RGS6: variants seen among roughly 807,000 people sequenced by gnomAD.
RGS6 encodes the protein regulator of G-protein signaling 6.
A neutral mutation model predicts 78.5 loss-of-function variants in RGS6; 30 were observed. The observed-to-expected ratio is 0.38, with a 90% confidence interval of 0.29 to 0.52. RGS6 has a LOEUF of 0.52. RGS6 is among the 20% of genes least tolerant of loss of function. RGS6 has a pLI of 0.85. For synonymous variants in RGS6, 206 were observed against 206.0 expected, an observed-to-expected ratio of 1.00 and a Z score of 0.00; for missense variants, 495 against 609.7, an observed-to-expected ratio of 0.81 and a Z score of 1.98.
upstream of RGS6, among the ~76,000 whole-genome samples, chr14:71,928,905 A>G (rs1240151427): frequency 6.6e-6 from 1 of 152,218 alleles, no homozygotes; most frequent in African/African-American, 2.4e-5. Flanking sequence ...AAATAAACCC[A>G]TGGTGATCAT....
intron 2 of RGS6, among the ~76,000 whole-genome samples, chr14:72,260,799 T>C (rs1594938193): frequency 6.6e-6 from 1 of 152,292 alleles, no homozygotes; most frequent in African/African-American, 2.4e-5. Context: ...ATACAGTATT[T>C]GATAGATGCA....
chr14:72,389,506 A>T (rs2089338958), intron 3 of RGS6, among the ~76,000 whole-genome samples: 3 of 152,164 alleles, frequency 2.0e-5, no homozygotes. Flanking sequence ...AAAATACATT[A>T]TTCCCCAGTG....
chr14:72,141,267 A>C (rs1213260302), intron 2 of RGS6, among the ~76,000 whole-genome samples: 1 of 152,140 alleles, frequency 6.6e-6, no homozygotes, highest in Non-Finnish European at 1.5e-5. Flanking sequence ...TTAGTGCCCC[A>C]ATCCCCATTT....
chr14:72,541,502 G>GT lies in RGS6; in HGVS notation c.1422+1409dup. 2.0e-6 allele frequency: 3 copies of GT among 1,535,690 alleles called. No individual in the cohort carries two copies. In the South Asian group the frequency reaches 3.6e-5, roughly 18 times the overall value. On this transcript the variant is annotated intron_variant, in intron 17 of 17. Coordinates refer to ENST00000553525, the MANE Select transcript of RGS6 (RefSeq NM_001204424.2). ...AGAACACAAGGCCTGCGGGTGCCTGGTCTATCTTCATGGCTGCTTTGCCAA... is the reference window on the plus strand; with the variant it reads ...AGAACACAAGGCCTGCGGGTGCCTGGTTCTATCTTCATGGCTGCTTTGCCAA...
intron 2 of RGS6, among the ~76,000 whole-genome samples, chr14:72,271,611 C>G (rs750627686): frequency 2.6e-5 from 4 of 152,214 alleles, no homozygotes; most frequent in African/African-American, 4.8e-5. Context: ...GCATTTTAAC[C>G]TGCGATGGAT....
intron 2 of RGS6, among the ~76,000 whole-genome samples, chr14:72,093,591 C>T (rs1424575938): frequency 6.6e-6 from 1 of 152,162 alleles, no homozygotes; most frequent in Non-Finnish European, 1.5e-5. Flanking sequence ...CATTGCTCTA[C>T]AGTTTGCTTT....
chr14:71,917,400 T>C, the RGS6 span, among the ~76,000 whole-genome samples: 1 of 152,114 alleles, frequency 6.6e-6, no homozygotes, highest in Non-Finnish European at 1.5e-5. Flanking sequence ...CATAAAGCAG[T>C]TGGGTAGGGA....
At chr14:72,098,753 C>A (rs2095465275) in intron 2 of RGS6, among the ~76,000 whole-genome samples, 1 of 152,178 alleles carries the variant, frequency 6.6e-6, no homozygotes, top group South Asian at 2.1e-4. Flanking sequence ...AATGAGCCTC[C>A]CTTCCCTCAT....
chr14:72,354,351 T>G (rs566211820), intron 3 of RGS6, among the ~76,000 whole-genome samples: 21 of 151,626 alleles, frequency 1.4e-4, no homozygotes, highest in South Asian at 2.1e-4. Flanking sequence ...GGGGGCCGGG[T>G]GCCGTGACTC....
chr14:72,144,477 G>T (rs1161241305), intron 2 of RGS6, among the ~76,000 whole-genome samples: 1 of 152,158 alleles, frequency 6.6e-6, no homozygotes, highest in Non-Finnish European at 1.5e-5. Context: ...GAGCCTTGAG[G>T]TTCAACTTTT....
chr14:72,610,337 C>T, the RGS6 span, among the ~76,000 whole-genome samples: 1 of 152,196 alleles, frequency 6.6e-6, no homozygotes, highest in Non-Finnish European at 1.5e-5. Context: ...TCCCAGGGAC[C>T]TGGTCATCCT....
chr14:72,474,002 A>G (rs1213258149), intron 9 of RGS6: 2 of 152,268 alleles, frequency 1.3e-5, no homozygotes, highest in African/African-American at 2.4e-5. Flanking sequence ...TTAGCCCTAA[A>G]TAGAAGGGTC....
At chr14:72,439,493 A>G (rs903521557) in intron 3 of RGS6, among the ~76,000 whole-genome samples, 9 of 150,044 alleles carry the variant, frequency 6.0e-5, no homozygotes, top group Non-Finnish European at 1.3e-4. Flanking sequence ...AGATTGCAGT[A>G]ACCAGGACAT....
intron 2 of RGS6, among the ~76,000 whole-genome samples, chr14:72,022,980 C>A (rs908299547): frequency 6.6e-6 from 1 of 152,168 alleles, no homozygotes; most frequent in Non-Finnish European, 1.5e-5. Context: ...AGCTCAGACT[C>A]CACCTCCTCT....
At chr14:72,357,135 A>T (rs917672060) in intron 3 of RGS6, among the ~76,000 whole-genome samples, 2 of 151,946 alleles carry the variant, frequency 1.3e-5, no homozygotes, top group Non-Finnish European at 2.9e-5. Flanking sequence ...GCTCAGTGGT[A>T]GTGGCACGCA....
rs551318298 is a variant in RGS6, at chr14:72,324,868, T to C, written c.85-27227T>C. 5.2e-4 allele frequency among the ~76,000 whole-genome samples: 79 copies of C among 152,214 alleles called. 1 individual carries two copies. The highest frequency in any genetic ancestry group is 4.6e-3 in the South Asian group (22 of 4,808). On this transcript the variant is annotated intron_variant, in intron 2 of 17. Transcript: ENST00000553525. ...TGATTTATAATCCTTTGGGTATATA[T>C]CCAGTAATGGGATGGCTGGGTCAAA...
chr14:71,985,983 A>T lies in RGS6; in HGVS notation c.84+21108A>T, dbSNP rs180839502. Among the ~76,000 whole-genome samples the T allele has an allele frequency of 1.1e-3, 167 of 152,362 alleles. 1 individual carries two copies. The highest frequency in any genetic ancestry group is 3.7e-3 in the African/African-American group (152 of 41,598). On this transcript the variant is annotated intron_variant, in intron 2 of 17. Transcript: ENST00000553525. Reference sequence around the variant, plus strand: ...ATTTTAAAGCTAAATACAAAAGCACAGTTCTGAGAAGCAGCCAAGTTCTGC... The same window carrying T: ...ATTTTAAAGCTAAATACAAAAGCACTGTTCTGAGAAGCAGCCAAGTTCTGC...
intron 2 of RGS6, among the ~76,000 whole-genome samples, chr14:72,288,510 G>A (rs2062996751): frequency 6.6e-6 from 1 of 152,216 alleles, no homozygotes; most frequent in African/African-American, 2.4e-5. Context: ...AGAAGAATAA[G>A]CTAAGTAGTC....
chr14:72,434,863 G>T (rs1243389105), intron 3 of RGS6, among the ~76,000 whole-genome samples: 4 of 152,026 alleles, frequency 2.6e-5, no homozygotes, highest in African/African-American at 7.3e-5. Context: ...GCTTCTCTCT[G>T]ATGATCTATC....
Sources: gnomAD v4.1 joint callset for allele counts (sites outside exome capture counted in the v4.1 genomes callset) on GRCh38, gnomAD v4.1.1 for gene constraint, MANE v1.5 for transcripts, NCBI Gene and HGNC (gene_info 2026-07-23, HGNC 2026-07-21) for gene names.